ZNF280D: variants seen among roughly 807,000 people sequenced by gnomAD.
ZNF280D encodes zinc finger protein 280D, also known as suppressor of hairy wing homolog 4.
Under a neutral mutation model 94.7 loss-of-function variants are expected in ZNF280D, and 39 were observed. The observed-to-expected ratio is 0.41, with a 90% CI of 0.32 to 0.54. The LOEUF is 0.54. ZNF280D is among the 20% of genes least tolerant of loss of function. ZNF280D has a pLI of 0.22. For synonymous variants in ZNF280D, 398 were observed against 377.6 expected (o/e 1.05, Z -0.63); for missense variants, 1,090 against 1,149.3 (o/e 0.95, Z 0.75).
intron 6 of ZNF280D, chr15:56,698,770 G>A (rs1158147368): frequency 6.6e-6 from 1 of 152,222 alleles, no homozygotes; most frequent in Admixed American, 6.5e-5. Context: ...GAAGCAAGCA[G>A]CCTTATTGGG....
In ZNF280D at chr15:56,679,867, G is replaced by A. The variant is rs562201708; in HGVS notation, c.1005-1046C>T. 5.9e-5 allele frequency among the ~76,000 whole-genome samples: 9 copies of A among 152,126 alleles called. No individual in the cohort carries two copies. In the South Asian group the frequency reaches 1.5e-3, roughly 25 times the overall value. On this transcript the variant is annotated intron_variant, in intron 10 of 21. Coordinates refer to ENST00000267807, the MANE Select transcript of ZNF280D (RefSeq NM_017661.4). Reference sequence around the variant, plus strand: ...ACCTTGAAATATCTTTTCCTCCTTTGGTTTTAACAACAGCTCTACAAATGC... The same window carrying A: ...ACCTTGAAATATCTTTTCCTCCTTTAGTTTTAACAACAGCTCTACAAATGC...
chr15:56,668,588 GAA>G (rs1156295253), intron 14 of ZNF280D, among the ~76,000 whole-genome samples: 1 of 151,950 alleles, frequency 6.6e-6, no homozygotes, highest in African/African-American at 2.4e-5. Flanking sequence ...ATTGACCCAG[GAA>G]AAGTTAATTG....
At chr15:56,675,407 G>A (rs2055152664) in intron 13 of ZNF280D, among the ~76,000 whole-genome samples, 1 of 150,534 alleles carries the variant, frequency 6.6e-6, no homozygotes, top group Non-Finnish European at 1.5e-5. Context: ...TGTTCATAAA[G>A]AAATGCACTA....
chr15:56,733,292 C>A (rs1407739560), intron 1 of ZNF280D, among the ~76,000 whole-genome samples, 166 bp downstream of exon 1: 1 of 152,018 alleles, frequency 6.6e-6, no homozygotes, highest in African/African-American at 2.4e-5. Flanking sequence ...GCGGTCCGGC[C>A]GCCGCCGCGC....
Position 56,732,600 on chromosome 15 carries a change from CA to C in ZNF280D, c.-86+857del, listed in dbSNP as rs2058947355. 3 of 152,124 alleles carry C rather than the reference CA, an allele frequency of 2.0e-5. No homozygotes were observed. In the South Asian group the frequency reaches 6.2e-4, roughly 32 times the overall value. 9.4% of individuals were successfully genotyped at this position (152,124 alleles called of 1,614,324 possible). A position where few individuals can be genotyped will look rare whatever the true frequency, so the allele number is the denominator to read the frequency against. ...AAATAAAGCCAAATATTTAAGATGA[CA>C]GATTTTTTTTTTTTTAACAAATCTT... On this transcript the variant is annotated intron_variant, in intron 1 of 21. Transcript: ENST00000267807.
At chr15:56,657,598 T>G (rs759846720) in intron 17 of ZNF280D, among the ~76,000 whole-genome samples, 2 of 152,140 alleles carry the variant, frequency 1.3e-5, no homozygotes, top group African/African-American at 2.4e-5. Flanking sequence ...TAATGTCCAG[T>G]AGCAATCATT....
chr15:56,643,173 T>C (rs1178600714), intron 19 of ZNF280D, 176 bp from the exon 20 acceptor site: 1 of 392,322 alleles, frequency 2.5e-6, no homozygotes, highest in East Asian at 3.9e-5. Flanking sequence ...GTTAAACGTA[T>C]GAGACTAAAT....
intron 16 of ZNF280D, among the ~76,000 whole-genome samples, chr15:56,665,883 C>T (rs576735768): frequency 6.6e-6 from 1 of 152,276 alleles, no homozygotes; most frequent in South Asian, 2.1e-4. Context: ...TGCCTGTAAT[C>T]CCAGCACTTT....
intron 1 of ZNF280D, 76 bp from the exon 2 acceptor site, chr15:56,707,382 T>G: frequency 1.6e-6 from 2 of 1,274,284 alleles, no homozygotes; most frequent in Non-Finnish European, 2.1e-6. Context: ...TTTTCTCCTA[T>G]ACAGAGGTCA....
At chr15:56,655,640 G>C (rs2053506389) in intron 17 of ZNF280D, among the ~76,000 whole-genome samples, 2 of 152,178 alleles carry the variant, frequency 1.3e-5, no homozygotes, top group Non-Finnish European at 1.5e-5. Context: ...TAACTGTTTA[G>C]CATTTGCTAT....
At chr15:56,645,433 A>G (rs959232409) in intron 19 of ZNF280D, 2 of 152,228 alleles carry the variant, frequency 1.3e-5, no homozygotes, top group Admixed American at 6.5e-5. Flanking sequence ...CTCTATGAAA[A>G]TCTGCTGAAA....
chr15:56,654,287 G>C, intron 18 of ZNF280D, 53 bp from the exon 19 acceptor site: 11 of 1,598,946 alleles, frequency 6.9e-6, no homozygotes, highest in Non-Finnish European at 9.4e-6. Flanking sequence ...AATATGATGA[G>C]TGAGAATAAT....
intron 10 of ZNF280D, among the ~76,000 whole-genome samples, chr15:56,681,932 G>C (rs1373645348): frequency 6.6e-6 from 1 of 151,806 alleles, no homozygotes; most frequent in Non-Finnish European, 1.5e-5. Flanking sequence ...AAAATTCAAA[G>C]GCAATTAGAA....
intron 21 of ZNF280D, 96 bp from the exon 22 acceptor site, chr15:56,632,218 G>A: frequency 8.3e-7 from 1 of 1,204,870 alleles, no homozygotes; most frequent in South Asian, 1.8e-5. Flanking sequence ...AAAAAGTCAA[G>A]GTACATTTGC....
Position 56,733,491 on chromosome 15 carries a change from T to TGAG in ZNF280D, c.-122_-120dup. On this transcript the variant is annotated 5_prime_UTR_variant, in exon 1 of 22. Transcript: ENST00000267807. Reference sequence around the variant, plus strand: ...GAGCGGATCGGCCTGACTGGAGCCCTGAGGAGGAGGAGAAAGAGGAGGAGG... The same window carrying TGAG: ...GAGCGGATCGGCCTGACTGGAGCCCTGAGGAGGAGGAGGAGAAAGAGGAGGAGG... The TGAG allele has an allele frequency of 1.8e-6, 2 of 1,136,018 alleles. No individual in the cohort carries two copies. Among genetic ancestry groups the TGAG allele is most frequent in the South Asian group, 1.7e-5 (1 of 58,516 alleles). 70.4% of individuals were successfully genotyped at this position (1,136,018 alleles called of 1,614,324 possible). A position where few individuals can be genotyped will look rare whatever the true frequency, so the allele number is the denominator to read the frequency against.
At chr15:56,682,552 T>G (rs2055700127) in intron 9 of ZNF280D, 75 bp from the exon 10 acceptor site, 1 of 950,952 alleles carries the variant, frequency 1.1e-6, no homozygotes, top group South Asian at 1.7e-5. Flanking sequence ...AAAGTGATTG[T>G]GTGTTTACAC....
chr15:56,647,240 T>C (rs1258163116), intron 19 of ZNF280D, among the ~76,000 whole-genome samples: 1 of 151,966 alleles, frequency 6.6e-6, no homozygotes, highest in Non-Finnish European at 1.5e-5. Flanking sequence ...GGAGAAAAGG[T>C]TGGTTTAGGG....
At chr15:56,727,222 C>A (rs1218205716) in intron 1 of ZNF280D, among the ~76,000 whole-genome samples, 2 of 57,780 alleles carry the variant, frequency 3.5e-5, no homozygotes, top group East Asian at 1.1e-3. Context: ...GTAATCCCAG[C>A]ACTTTGGGAG....
chr15:56,702,201 A>G (rs1408377877), intron 4 of ZNF280D, among the ~76,000 whole-genome samples: 1 of 152,158 alleles, frequency 6.6e-6, no homozygotes, highest in Non-Finnish European at 1.5e-5. Context: ...CAGAAGTCTT[A>G]TTAGAGAAAG....
Sources: allele counts gnomAD v4.1 joint callset (sites outside exome capture counted in the v4.1 genomes callset), GRCh38; gene constraint gnomAD v4.1.1; transcripts MANE v1.5; gene names NCBI Gene and HGNC (gene_info 2026-07-23, HGNC 2026-07-21).